DLG2: variants seen among roughly 807,000 people sequenced by gnomAD.
The protein encoded by DLG2 is disks large homolog 2.
A neutral mutation model predicts 132.5 loss-of-function variants in DLG2; 45 were observed. The ratio of observed to expected loss-of-function variants is 0.34; its 90% CI spans 0.27 to 0.44. The LOEUF (loss-of-function observed/expected upper bound fraction) is 0.44, where lower values mean the gene tolerates loss of function less well. Among genes scored for constraint, DLG2 ranks in the 20% least tolerant of loss-of-function variants. The probability of loss-of-function intolerance (pLI) is 1.00; values close to 1 mark genes in which losing one functional copy is unlikely to be tolerated. For synonymous variants in DLG2, 424 were observed against 419.6 expected, an observed-to-expected ratio of 1.01 and a Z score of -0.13; for missense variants, 1,045 against 1,196.9, an observed-to-expected ratio of 0.87 and a Z score of 1.87.
intron 8 of DLG2, among the ~76,000 whole-genome samples, chr11:84,247,723 C>T (rs1445015710): frequency 1.3e-5 from 2 of 152,090 alleles, no homozygotes; most frequent in African/African-American, 4.8e-5. Flanking sequence ...ATATTTTGTA[C>T]TTTTGTTTGA....
chr11:83,861,388 A>C (rs2061430308), intron 16 of DLG2, among the ~76,000 whole-genome samples: 1 of 152,234 alleles, frequency 6.6e-6, no homozygotes, highest in Non-Finnish European at 1.5e-5. Flanking sequence ...GTATATACCC[A>C]AAAGAAAAGA....
At chr11:83,536,469 C>T (rs1021072062) in intron 20 of DLG2, among the ~76,000 whole-genome samples, 4 of 152,010 alleles carry the variant, frequency 2.6e-5, no homozygotes, top group Non-Finnish European at 4.4e-5. Context: ...CTGCCTCAGC[C>T]CTTTCCTCTC....
In DLG2 at chr11:83,819,518, G is replaced by GAAAAGAAAAAT. The variant is rs1212011009; in HGVS notation, c.1722+14085_1722+14095dup. 4.6e-3 allele frequency among the ~76,000 whole-genome samples: 337 copies of GAAAAGAAAAAT among 73,640 alleles called. 8 individuals are homozygous for GAAAAGAAAAAT. The East Asian group carries it at 0.11, about 23-fold the overall frequency. The allele number at this position is 73,640 out of a possible 152,430, so 48.3% of individuals were successfully genotyped here. A position where few individuals can be genotyped will look rare whatever the true frequency, so the allele number is the denominator to read the frequency against. On this transcript the variant is annotated intron_variant, in intron 17 of 27. Transcript: ENST00000376104. ...GAAGAAAAGAAAAAGAAAAGAAAAA[G>GAAAAGAAAAAT]AAAAGAAAAATATAGTCTTCATTCT... is the stretch of plus-strand genomic sequence containing the variant.
At position 84,957,222 on chromosome 11, in the gene DLG2, T is replaced by C. The variant is rs77904318; in HGVS notation, c.357+154439A>G. 4.7e-4 allele frequency among the ~76,000 whole-genome samples: 71 copies of C among 152,304 alleles called. 5 individuals are homozygous for C. In the East Asian group the frequency reaches 0.014, roughly 29 times the overall value. Reference sequence around the variant, plus strand: ...CTAGACTTGCTGGCTCCAGAATCTGTCCTCTTATCCATTACACTATATTAC... The same window carrying C: ...CTAGACTTGCTGGCTCCAGAATCTGCCCTCTTATCCATTACACTATATTAC... On this transcript the variant is annotated intron_variant, in intron 6 of 27. Transcript: ENST00000376104.
chr11:83,791,016 G>A, intron 17 of DLG2: 3 of 773,220 alleles, frequency 3.9e-6, no homozygotes, highest in Non-Finnish European at 6.6e-6. Flanking sequence ...CAGTGAATTG[G>A]CTTGTTCCTG....
At chr11:84,767,691 C>T (rs1343703090) in intron 6 of DLG2, among the ~76,000 whole-genome samples, 2 of 151,494 alleles carry the variant, frequency 1.3e-5, no homozygotes, top group Non-Finnish European at 2.9e-5. Flanking sequence ...GTGGATAAAA[C>T]ACTCACAAGA....
intron 6 of DLG2, among the ~76,000 whole-genome samples, chr11:84,891,605 T>C (rs2089407014): frequency 6.6e-6 from 1 of 152,118 alleles, no homozygotes; most frequent in African/African-American, 2.4e-5. Flanking sequence ...TAACAAACCT[T>C]AAAAATATAT....
chr11:85,112,525 T>C (rs975675474), intron 5 of DLG2, among the ~76,000 whole-genome samples: 1 of 152,088 alleles, frequency 6.6e-6, no homozygotes, highest in African/African-American at 2.4e-5. Flanking sequence ...ATTTTTTTCA[T>C]TGTATTCTCA....
At chr11:83,808,599 C>T (rs1013761898) in intron 17 of DLG2, among the ~76,000 whole-genome samples, 3 of 152,170 alleles carry the variant, frequency 2.0e-5, no homozygotes, top group East Asian at 1.9e-4. Context: ...GTTCTTGGCA[C>T]GAGGAGTTCC....
chr11:84,650,689 CAT>C (rs1364626889), intron 6 of DLG2, among the ~76,000 whole-genome samples: 2 of 151,892 alleles, frequency 1.3e-5, no homozygotes, highest in African/African-American at 4.8e-5. Flanking sequence ...AATTGCTATT[CAT>C]AGTCTCTTAT....
chr11:84,169,887 AAT>A (rs1213316443), intron 8 of DLG2, among the ~76,000 whole-genome samples: 2 of 151,742 alleles, frequency 1.3e-5, no homozygotes, highest in Non-Finnish European at 2.9e-5. Flanking sequence ...AAAAAAAAAA[AAT>A]CTCAACTAAA....
intron 4 of DLG2, among the ~76,000 whole-genome samples, chr11:85,263,645 C>T (rs1443921123): frequency 1.3e-5 from 2 of 152,166 alleles, no homozygotes; most frequent in African/African-American, 4.8e-5. Context: ...AAACTCTCAC[C>T]CTATTGAGTG....
At chr11:84,430,785 T>C (rs1470608160) in intron 7 of DLG2, among the ~76,000 whole-genome samples, 1 of 152,182 alleles carries the variant, frequency 6.6e-6, no homozygotes, top group African/African-American at 2.4e-5. Flanking sequence ...TTTTGCTGCT[T>C]GATTCACCTT....
chr11:84,581,822 G>A (rs1169396880), intron 6 of DLG2, among the ~76,000 whole-genome samples: 6 of 149,812 alleles, frequency 4.0e-5, no homozygotes, highest in Admixed American at 6.7e-5. Flanking sequence ...CAGGAGAATC[G>A]CTTGAACCCG....
At chr11:84,504,898 T>C (rs887975587) in intron 7 of DLG2, among the ~76,000 whole-genome samples, 1 of 152,064 alleles carries the variant, frequency 6.6e-6, no homozygotes, top group Non-Finnish European at 1.5e-5. Context: ...AATATACCCT[T>C]CCCCCAACAG....
At chr11:83,578,176 G>A (rs1173950276) in intron 19 of DLG2, among the ~76,000 whole-genome samples, 4 of 150,382 alleles carry the variant, frequency 2.7e-5, no homozygotes, top group African/African-American at 7.3e-5. Flanking sequence ...GGTACATGAA[G>A]TATTATAATA....
chr11:84,815,812 G>T (rs1021497037), intron 6 of DLG2, among the ~76,000 whole-genome samples: 10 of 152,000 alleles, frequency 6.6e-5, no homozygotes, highest in Non-Finnish European at 1.0e-4. Flanking sequence ...TGATGAGAGG[G>T]TCTGGAGCTG....
At chr11:84,502,282 CTTT>C (rs368746411) in intron 7 of DLG2, among the ~76,000 whole-genome samples, 6 of 3,366 alleles carry the variant, frequency 1.8e-3, no homozygotes, top group South Asian at 0.03. Context: ...TTCCTTCCTT[CTTT>C]CTTTCTTTCT....
chr11:84,318,128 T>A (rs1246491919), intron 7 of DLG2, among the ~76,000 whole-genome samples: 1 of 152,216 alleles, frequency 6.6e-6, no homozygotes, highest in Non-Finnish European at 1.5e-5. Flanking sequence ...TACAGTATTT[T>A]GGTTTCCAAA....
Sources: gnomAD v4.1 joint callset for allele counts (sites outside exome capture counted in the v4.1 genomes callset) on GRCh38, gnomAD v4.1.1 for gene constraint, MANE v1.5 for transcripts, NCBI Gene and HGNC (gene_info 2026-07-23, HGNC 2026-07-21) for gene names.